ARHGAP26: variants seen among roughly 807,000 people sequenced by gnomAD.
ARHGAP26 encodes rho GTPase-activating protein 26.
A neutral mutation model predicts 104.8 loss-of-function variants in ARHGAP26; 38 were observed. That is an observed-to-expected ratio of 0.36 (90% CI 0.28 to 0.48). The LOEUF is 0.48. Among genes scored for constraint, ARHGAP26 ranks in the 20% least tolerant of loss-of-function variants. The pLI is 0.99. For missense variants in ARHGAP26, 704 were observed against 947.9 expected (o/e 0.74, Z 3.38); for synonymous variants, 341 against 340.0 (o/e 1.00, Z -0.03).
chr5:142,863,398 C>T (rs1479644992), intron 1 of ARHGAP26, among the ~76,000 whole-genome samples: 1 of 152,186 alleles, frequency 6.6e-6, no homozygotes, highest in Non-Finnish European at 1.5e-5. Flanking sequence ...TGAGCCACTG[C>T]GCCCGGCCTC....
rs1414266657 is a variant in ARHGAP26 at position 142,770,607 on chromosome 5, C to G, written c.-155C>G. 1 of 416,774 alleles carries G rather than the reference C, an allele frequency of 2.4e-6. No individual in the cohort carries two copies. The highest frequency in any genetic ancestry group is 2.1e-5 in the African/African-American group (1 of 46,716). The allele number at this position is 416,774 out of a possible 1,614,324, so 25.8% of individuals were successfully genotyped here. On this transcript the variant is annotated 5_prime_UTR_variant, in exon 1 of 23. Coordinates refer to ENST00000645722, the MANE Select transcript of ARHGAP26 (RefSeq NM_001135608.3). ...AGCTCGGTTCGGGAGTCTTGCGCGC[C>G]GGCGGACACCGCGCGCGGAGTGAGC...
chr5:142,787,426 C>T (rs1160249256), intron 1 of ARHGAP26, among the ~76,000 whole-genome samples: 1 of 152,180 alleles, frequency 6.6e-6, no homozygotes, highest in Non-Finnish European at 1.5e-5. Flanking sequence ...TTGGGGAGGT[C>T]AGGAAACTGG....
At chr5:143,087,636 CTTTTTTTTTT>C (rs35201189) in intron 17 of ARHGAP26, among the ~76,000 whole-genome samples, 1,944 of 51,582 alleles carry the variant, frequency 0.038, 83 homozygotes, top group African/African-American at 0.15. Context: ...CTGGCCCATT[CTTTTTTTTTT>C]TTTTTTTTTT....
chr5:142,799,998 C>G (rs540006014), intron 1 of ARHGAP26, among the ~76,000 whole-genome samples: 54 of 152,322 alleles, frequency 3.5e-4, no homozygotes, highest in African/African-American at 1.3e-3. Flanking sequence ...GTGGGACACA[C>G]AGTGTTAAAC....
intron 12 of ARHGAP26, among the ~76,000 whole-genome samples, chr5:143,017,543 A>G (rs1412866832): frequency 6.6e-6 from 1 of 152,038 alleles, no homozygotes; most frequent in Non-Finnish European, 1.5e-5. Context: ...TTATTCATCC[A>G]TTCCCTTTTA....
chr5:143,108,025 A>G (rs761435225), intron 17 of ARHGAP26, among the ~76,000 whole-genome samples: 24 of 152,230 alleles, frequency 1.6e-4, no homozygotes, highest in Non-Finnish European at 3.1e-4. Flanking sequence ...ATGTACCACT[A>G]TATATAAACA....
chr5:142,913,307 A>T lies in ARHGAP26; in HGVS notation c.1028+14A>T, dbSNP rs757414516. Reference sequence around the variant, plus strand: ...AGCAGTAGACAGGTGAGTAGCTAGCATGCTTTTCTCAGGAGCAAATAGAGC... The same window carrying T: ...AGCAGTAGACAGGTGAGTAGCTAGCTTGCTTTTCTCAGGAGCAAATAGAGC... On this transcript the variant is annotated intron_variant, in intron 10 of 22. Coordinates refer to ENST00000645722, the MANE Select transcript of ARHGAP26 (RefSeq NM_001135608.3). 3.7e-6 allele frequency: 6 copies of T among 1,610,368 alleles called. No homozygotes were observed. In the Admixed American group the frequency reaches 8.3e-5, roughly 22 times the overall value.
intron 20 of ARHGAP26, among the ~76,000 whole-genome samples, chr5:143,169,200 A>T (rs1286138288): frequency 6.6e-6 from 1 of 152,264 alleles, no homozygotes. Flanking sequence ...GACATCTTTT[A>T]CATGTACAGA....
chr5:142,899,378 A>C (rs1183078356), intron 6 of ARHGAP26, among the ~76,000 whole-genome samples: 2 of 152,214 alleles, frequency 1.3e-5, no homozygotes, highest in Non-Finnish European at 2.9e-5. Flanking sequence ...TTTAAAATGA[A>C]AAAAATAAAT....
At position 143,222,508 on chromosome 5, in the gene ARHGAP26, T is replaced by G. The variant is rs2151436826; in HGVS notation, c.*62T>G. Reference sequence around the variant, plus strand: ...TATCCATGACAACTGCTGATTCCAGTGTCGAGGCCATTTCTCTTTGCCACT... The same window carrying G: ...TATCCATGACAACTGCTGATTCCAGGGTCGAGGCCATTTCTCTTTGCCACT... On this transcript the variant is annotated 3_prime_UTR_variant, in exon 23 of 23. Coordinates refer to ENST00000645722, the MANE Select transcript of ARHGAP26 (RefSeq NM_001135608.3). 1 of 1,344,914 alleles carries G rather than the reference T, an allele frequency of 7.4e-7. No individual in the cohort carries two copies. The allele number at this position is 1,344,914 out of a possible 1,614,324, so 83.3% of individuals were successfully genotyped here.
At chr5:142,784,470 T>A (rs1261311645) in intron 1 of ARHGAP26, among the ~76,000 whole-genome samples, 1 of 152,234 alleles carries the variant, frequency 6.6e-6, no homozygotes, top group Non-Finnish European at 1.5e-5. Context: ...GAAGATAACT[T>A]AAATTTTGCT....
At chr5:143,061,432 A>G (rs1054764028) in intron 17 of ARHGAP26, among the ~76,000 whole-genome samples, 1 of 152,248 alleles carries the variant, frequency 6.6e-6, no homozygotes, top group African/African-American at 2.4e-5. Context: ...GAAGGATTTC[A>G]AAGAACTCTT....
chr5:143,217,115 G>A (rs1463188110), intron 22 of ARHGAP26, among the ~76,000 whole-genome samples: 1 of 152,140 alleles, frequency 6.6e-6, no homozygotes, highest in Non-Finnish European at 1.5e-5. Context: ...ATCAGAAAGT[G>A]CACGTGTGTG....
At chr5:143,051,136 T>C (rs1202056287) in intron 14 of ARHGAP26, among the ~76,000 whole-genome samples, 1 of 152,236 alleles carries the variant, frequency 6.6e-6, no homozygotes, top group African/African-American at 2.4e-5. Flanking sequence ...TTAATTTGCA[T>C]ACACTATAAT....
chr5:143,213,940 C>T, intron 21 of ARHGAP26, 57 bp from the exon 22 acceptor site: 1 of 1,150,284 alleles, frequency 8.7e-7, no homozygotes. Context: ...GATGAAATGT[C>T]TGGGGCTTTC....
At chr5:143,081,446 C>A (rs1480754436) in intron 17 of ARHGAP26, among the ~76,000 whole-genome samples, 1 of 152,164 alleles carries the variant, frequency 6.6e-6, no homozygotes, top group African/African-American at 2.4e-5. Flanking sequence ...AAGACAATGA[C>A]CTATGTTTTC....
intron 12 of ARHGAP26, among the ~76,000 whole-genome samples, chr5:143,029,938 G>A (rs530416691): frequency 6.6e-6 from 1 of 152,276 alleles, no homozygotes; most frequent in Admixed American, 6.5e-5. Flanking sequence ...TCCTTTGGAT[G>A]AGGATTTCCC....
At chr5:142,891,094 G>A (rs929177527) in intron 5 of ARHGAP26, among the ~76,000 whole-genome samples, 2 of 151,928 alleles carry the variant, frequency 1.3e-5, no homozygotes, top group Admixed American at 6.6e-5. Flanking sequence ...GCATCTCTCC[G>A]TGTAAGCGTG....
intron 12 of ARHGAP26, among the ~76,000 whole-genome samples, chr5:143,025,090 C>G (rs754701105): frequency 2.0e-4 from 31 of 152,106 alleles, no homozygotes; most frequent in Non-Finnish European, 3.2e-4. Context: ...ATTCTTATTA[C>G]CAATAATGTC....
Sources: allele counts gnomAD v4.1 joint callset (sites outside exome capture counted in the v4.1 genomes callset), GRCh38; gene constraint gnomAD v4.1.1; transcripts MANE v1.5; gene names NCBI Gene and HGNC (gene_info 2026-07-23, HGNC 2026-07-21).